TRIM2: variants seen among roughly 807,000 people sequenced by gnomAD.
TRIM2 encodes tripartite motif containing 2.
TRIM2 carries 20 observed loss-of-function variants against 75.2 expected under a neutral mutation model. The ratio of observed to expected loss-of-function variants is 0.27; its 90% CI spans 0.19 to 0.39. The LOEUF (loss-of-function observed/expected upper bound fraction) is 0.39, where lower values mean the gene tolerates loss of function less well. TRIM2 is among the 10% of genes least tolerant of loss of function. TRIM2 has a pLI of 1.00. For missense variants in TRIM2, 660 were observed against 990.8 expected (o/e 0.67, Z 4.48); for synonymous variants, 373 against 388.3 (o/e 0.96, Z 0.46).
rs1772606547 is a variant in TRIM2, at chr4:153,337,674, G to A, written c.*2708G>A. 3 of 985,774 alleles carry A rather than the reference G, an allele frequency of 3.0e-6. No homozygotes were observed. The highest frequency in any genetic ancestry group is 3.6e-6 in the Non-Finnish European group (3 of 829,926). The allele number at this position is 985,774 out of a possible 1,614,324, so 61.1% of individuals were successfully genotyped here. A position where few individuals can be genotyped will look rare whatever the true frequency, so the allele number is the denominator to read the frequency against. On this transcript the variant is annotated 3_prime_UTR_variant, in exon 12 of 12. Transcript: ENST00000338700. ...TAAATGAAATTTTGTCACATTCTAT[G>A]GAAAATGGTTTCTGGTAAACTGAGA...
chr4:153,239,832 C>CTTTTTTTT lies in TRIM2; in HGVS notation c.31-30502_31-30501insTTTTTTTT, dbSNP rs142457664. Among the ~76,000 whole-genome samples, 117 of 139,404 alleles carry CTTTTTTTT rather than the reference C, an allele frequency of 8.4e-4. 1 individual carries two copies. The highest frequency in any genetic ancestry group is 1.0e-3 in the African/African-American group (38 of 37,016). The allele number at this position is 139,404 out of a possible 152,430, so 91.5% of individuals were successfully genotyped here. On this transcript the variant is annotated intron_variant, in intron 1 of 11. Coordinates refer to ENST00000338700, the MANE Select transcript of TRIM2 (RefSeq NM_015271.5). ...GCATGACAGCATCCTAACTTTCTTT[C>CTTTTTTTT]TCTTTTTTTTTTTTTTTTTTGTAAG...
chr4:153,191,537 T>A (rs4435731), intron 1 of TRIM2, among the ~76,000 whole-genome samples: 36,967 of 152,120 alleles, frequency 0.24, 5,033 homozygotes, highest in African/African-American at 0.37. Flanking sequence ...TATAACTGAG[T>A]TGTATGGGGA....
intron 8 of TRIM2, among the ~76,000 whole-genome samples, chr4:153,318,942 C>A (rs1768304645): frequency 6.6e-6 from 1 of 152,182 alleles, no homozygotes; most frequent in Non-Finnish European, 1.5e-5. Context: ...CAGCAATACC[C>A]TCTTCTATGA....
chr4:153,307,752 G>C, intron 6 of TRIM2: 1 of 665,776 alleles, frequency 1.5e-6, no homozygotes, highest in Non-Finnish European at 2.9e-6. Flanking sequence ...CGCTCGTGCT[G>C]TGTCGGACTT....
intron 2 of TRIM2, among the ~76,000 whole-genome samples, chr4:153,274,079 C>T (rs924313603): frequency 1.3e-5 from 2 of 152,148 alleles, no homozygotes; most frequent in Admixed American, 1.3e-4. Context: ...ATGTGTAATC[C>T]ATGTTGCCAT....
At position 153,339,049 on chromosome 4, in the gene TRIM2, ACT is replaced by A; in HGVS notation, c.*4088_*4089del. On this transcript the variant is annotated 3_prime_UTR_variant, in exon 12 of 12. Coordinates refer to ENST00000338700, the MANE Select transcript of TRIM2 (RefSeq NM_015271.5). ...TTATGTATAGAACACTAAGTCTTGCACTCTCTGACATTGATACTGATATATTC... is the reference window on the plus strand; with the variant it reads ...TTATGTATAGAACACTAAGTCTTGCACTCTGACATTGATACTGATATATTC... The A allele has an allele frequency of 2.0e-6, 2 of 984,916 alleles. No individual in the cohort carries two copies. The highest frequency in any genetic ancestry group is 2.4e-6 in the Non-Finnish European group (2 of 829,778). 61.0% of individuals were successfully genotyped at this position (984,916 alleles called of 1,614,324 possible).
At chr4:153,204,374 C>CT, upstream of TRIM2, 1 of 756,420 alleles carries the variant, frequency 1.3e-6, no homozygotes. Context: ...TCCCCTGATA[C>CT]TGTAGCCCCG....
intron 6 of TRIM2, among the ~76,000 whole-genome samples, chr4:153,298,690 A>T (rs1763248574): frequency 6.6e-6 from 1 of 152,114 alleles, no homozygotes; most frequent in Admixed American, 6.6e-5. Context: ...TATAGAGAAC[A>T]CTTACAATCC....
intron 1 of TRIM2, among the ~76,000 whole-genome samples, chr4:153,169,022 AG>A (rs1730580559): frequency 6.6e-6 from 1 of 152,206 alleles, no homozygotes; most frequent in South Asian, 2.1e-4. Context: ...CCGAGGCTGC[AG>A]TGAGCTGATT....
rs1772648035 is a variant in TRIM2 at position 153,337,991 on chromosome 4, TTTTTTTTAATGGTACTTAGTA to T, written c.*3030_*3050del. 1 of 984,262 alleles carries T rather than the reference TTTTTTTTAATGGTACTTAGTA, an allele frequency of 1.0e-6. No individual in the cohort carries two copies. Among genetic ancestry groups the T allele is most frequent in the African/African-American group, 1.8e-5 (1 of 57,068 alleles). 61.0% of individuals were successfully genotyped at this position (984,262 alleles called of 1,614,324 possible). A position where few individuals can be genotyped will look rare whatever the true frequency, so the allele number is the denominator to read the frequency against. ...ACAAGTCCTTTATGACTGTTTGCCA[TTTTTTTTAATGGTACTTAGTA>T]TTTTGATCAAACTTTAGTCTCCAGA... On this transcript the variant is annotated 3_prime_UTR_variant, in exon 12 of 12. Coordinates refer to ENST00000338700, the MANE Select transcript of TRIM2 (RefSeq NM_015271.5).
intron 1 of TRIM2, among the ~76,000 whole-genome samples, chr4:153,246,505 A>T (rs914227882): frequency 2.0e-5 from 3 of 152,232 alleles, no homozygotes; most frequent in African/African-American, 7.2e-5. Flanking sequence ...AATTTAATTT[A>T]GTTTATTATT....
chr4:153,248,670 A>C lies in TRIM2; in HGVS notation c.31-21665A>C, dbSNP rs1042184151. ...GATATGTCTCCAGAGCCCGTGCCTT[A>C]ATCGCAGATGCATTCTGACTTTCAT... On this transcript the variant is annotated intron_variant, in intron 1 of 11. Coordinates refer to ENST00000338700, the MANE Select transcript of TRIM2 (RefSeq NM_015271.5). This position sits in a 1 kb window ranked among gnomAD's most constrained non-coding sequence, Gnocchi z 4.0. Among the ~76,000 whole-genome samples, 4 of 152,358 alleles carry C rather than the reference A, an allele frequency of 2.6e-5. No individual in the cohort carries two copies. Among genetic ancestry groups the C allele is most frequent in the Middle Eastern group, 3.4e-3 (1 of 294 alleles).
At chr4:153,223,304 C>A (rs985722543) in intron 1 of TRIM2, among the ~76,000 whole-genome samples, 1 of 152,204 alleles carries the variant, frequency 6.6e-6, no homozygotes, top group Non-Finnish European at 1.5e-5. Context: ...CGTCCTCAGT[C>A]ACCCGCGTCA....
chr4:153,296,179 A>G (rs1762725674), intron 6 of TRIM2, 143 bp downstream of exon 6: 4 of 1,135,584 alleles, frequency 3.5e-6, no homozygotes, highest in African/African-American at 1.6e-5. Flanking sequence ...AATTTGATAT[A>G]TTTTGTTAGT....
chr4:153,244,319 C>T (rs373351955), intron 1 of TRIM2, among the ~76,000 whole-genome samples: 579 of 21,040 alleles, frequency 0.028, 77 homozygotes, highest in East Asian at 0.057. Flanking sequence ...CCTCCTCCTC[C>T]TCTTCTTCTT....
intron 3 of TRIM2, among the ~76,000 whole-genome samples, chr4:153,284,195 G>A (rs939157910): frequency 7.0e-6 from 1 of 142,836 alleles, no homozygotes; most frequent in African/African-American, 2.6e-5. Context: ...TTTTTGTTTT[G>A]TTTTTTGTTT....
chr4:153,272,428 G>A lies in TRIM2; in HGVS notation c.215+1909G>A, dbSNP rs533443368. On this transcript the variant is annotated intron_variant, in intron 2 of 11. Transcript: ENST00000338700. ...CTCCCAAAGTGCTGGGATTACAGGC[G>A]TGAGCCACTGCGCCTGGCCAGATTT... Among the ~76,000 whole-genome samples, 3 of 152,046 alleles carry A rather than the reference G, an allele frequency of 2.0e-5. No homozygotes were observed. The South Asian group carries it at 6.3e-4, about 32-fold the overall frequency.
chr4:153,182,245 T>C (rs1005419694), intron 1 of TRIM2, among the ~76,000 whole-genome samples: 3 of 152,158 alleles, frequency 2.0e-5, no homozygotes, highest in African/African-American at 7.2e-5. Flanking sequence ...CCAGATACCA[T>C]TGGATCTGCA....
chr4:153,223,382 T>C (rs1741233438), intron 1 of TRIM2, among the ~76,000 whole-genome samples: 1 of 152,246 alleles, frequency 6.6e-6, no homozygotes, highest in South Asian at 2.1e-4. Context: ...AGCAGGACTG[T>C]AGTAATTTTG....
Sources: allele counts gnomAD v4.1 joint callset (sites outside exome capture counted in the v4.1 genomes callset), GRCh38; gene constraint gnomAD v4.1.1; non-coding constraint Gnocchi (gnomAD v3.1); transcripts MANE v1.5; gene names NCBI Gene and HGNC (gene_info 2026-07-23, HGNC 2026-07-21).